The following PCDH9 variants were observed in gnomAD, a reference collection of about 807,000 sequenced individuals.
The protein encoded by PCDH9 is protocadherin-9.
Under a neutral mutation model 70.6 loss-of-function variants are expected in PCDH9, and 24 were observed. The observed-to-expected ratio is 0.34, with a 90% CI of 0.25 to 0.48. PCDH9 has a LOEUF of 0.48. Among genes scored for constraint, PCDH9 ranks in the 20% least tolerant of loss-of-function variants. PCDH9 has a pLI of 0.99. For missense variants in PCDH9, 1,281 were observed against 1,503.6 expected, an observed-to-expected ratio of 0.85 and a Z score of 2.45; for synonymous variants, 562 against 558.5, an observed-to-expected ratio of 1.01 and a Z score of -0.09.
At position 66,845,095 on chromosome 13, in the gene PCDH9, G is replaced by C. The variant is rs1044924975; in HGVS notation, c.3138+58409C>G. ...CCATAAGTTCTCACTCCAGTCTGCAGCCAGGCCCCCAGCCTTCAAGCCGCC... is the reference window on the plus strand; with the variant it reads ...CCATAAGTTCTCACTCCAGTCTGCACCCAGGCCCCCAGCCTTCAAGCCGCC... On this transcript the variant is annotated intron_variant, in intron 3 of 4. Coordinates refer to ENST00000377865, the MANE Select transcript of PCDH9 (RefSeq NM_203487.3). Among the ~76,000 whole-genome samples, 8 of 152,236 alleles carry C rather than the reference G, an allele frequency of 5.3e-5. No homozygotes were observed. In the East Asian group the frequency reaches 1.6e-3, roughly 30 times the overall value.
At chr13:66,829,717 CAAAAAAAA>C (rs562176354) in intron 3 of PCDH9, among the ~76,000 whole-genome samples, 11 of 53,128 alleles carry the variant, frequency 2.1e-4, no homozygotes, top group South Asian at 1.2e-3. Context: ...GACTCCGTCT[CAAAAAAAA>C]AAAAAAAAAA....
chr13:67,058,134 A>G (rs1290845412), intron 2 of PCDH9, among the ~76,000 whole-genome samples: 1 of 152,110 alleles, frequency 6.6e-6, no homozygotes, highest in Non-Finnish European at 1.5e-5. Context: ...AATGTTTGCT[A>G]TGTTATTGGA....
At chr13:66,487,482 A>G (rs1958963564) in intron 4 of PCDH9, among the ~76,000 whole-genome samples, 1 of 152,096 alleles carries the variant, frequency 6.6e-6, no homozygotes, top group African/African-American at 2.4e-5. Context: ...TGTTTCTATA[A>G]ATTTAATATA....
intron 2 of PCDH9, among the ~76,000 whole-genome samples, chr13:66,913,329 C>T (rs2082502415): frequency 6.6e-6 from 1 of 152,004 alleles, no homozygotes. Context: ...ACAAACCCTA[C>T]ACTCTGAATA....
chr13:66,525,187 C>T (rs1960158711), intron 4 of PCDH9, among the ~76,000 whole-genome samples: 2 of 152,108 alleles, frequency 1.3e-5, no homozygotes, highest in East Asian at 1.9e-4. Flanking sequence ...CTTCTCCACT[C>T]TCTTTAACCC....
chr13:66,432,670 ACTATTAG>A (rs1404281845), intron 4 of PCDH9, among the ~76,000 whole-genome samples: 1 of 151,960 alleles, frequency 6.6e-6, no homozygotes, highest in Non-Finnish European at 1.5e-5. Context: ...GGACCCTCTC[ACTATTAG>A]CAATCTCTGG....
At position 66,699,923 on chromosome 13, in the gene PCDH9, A is replaced by AT. The variant is rs34236970; in HGVS notation, c.3139-68513dup. Reference sequence around the variant, plus strand: ...GACAGTGAGGGACTGCGTTAGGCTGATTTTTTTTTTTAAGGAACCATACTA... The same window carrying AT: ...GACAGTGAGGGACTGCGTTAGGCTGATTTTTTTTTTTTAAGGAACCATACTA... On this transcript the variant is annotated intron_variant, in intron 3 of 4. Coordinates refer to ENST00000377865, the MANE Select transcript of PCDH9 (RefSeq NM_203487.3). Among the ~76,000 whole-genome samples, 449 of 149,514 alleles carry AT rather than the reference A, an allele frequency of 3.0e-3. 1 individual carries two copies. The Middle Eastern group carries it at 0.035, about 12-fold the overall frequency.
intron 4 of PCDH9, among the ~76,000 whole-genome samples, chr13:66,596,961 A>T (rs2077111786): frequency 6.6e-6 from 1 of 151,206 alleles, no homozygotes; most frequent in Non-Finnish European, 1.5e-5. Context: ...CTTTCTATGT[A>T]TAGCGTTAGG....
chr13:66,992,190 T>C (rs2084016241), intron 2 of PCDH9, among the ~76,000 whole-genome samples: 1 of 152,070 alleles, frequency 6.6e-6, no homozygotes, highest in Non-Finnish European at 1.5e-5. Flanking sequence ...AAGGCAAAGA[T>C]ATTCCCTAGA....
chr13:66,978,195 G>A (rs2083660312), intron 2 of PCDH9, among the ~76,000 whole-genome samples: 1 of 152,018 alleles, frequency 6.6e-6, no homozygotes, highest in Non-Finnish European at 1.5e-5. Flanking sequence ...TGTTGTTGTT[G>A]CTGTTATTGT....
At chr13:66,648,254 C>T (rs1020211272) in intron 3 of PCDH9, among the ~76,000 whole-genome samples, 2 of 152,154 alleles carry the variant, frequency 1.3e-5, no homozygotes, top group African/African-American at 4.8e-5. Flanking sequence ...GGGGTGAGAC[C>T]CAGTGCTATG....
At chr13:66,483,685 A>T (rs1361005047) in intron 4 of PCDH9, among the ~76,000 whole-genome samples, 4 of 152,184 alleles carry the variant, frequency 2.6e-5, no homozygotes, top group Non-Finnish European at 5.9e-5. Flanking sequence ...GGTCCCTTTA[A>T]GTGATACTGA....
At chr13:66,405,632 A>G (rs1384520053) in intron 4 of PCDH9, among the ~76,000 whole-genome samples, 1 of 152,184 alleles carries the variant, frequency 6.6e-6, no homozygotes, top group African/African-American at 2.4e-5. Context: ...AGGGTGACTG[A>G]GCATGAACCA....
At chr13:66,608,050 G>A (rs184405494) in intron 4 of PCDH9, among the ~76,000 whole-genome samples, 1 of 152,048 alleles carries the variant, frequency 6.6e-6, no homozygotes. Context: ...ATCAATGAAT[G>A]AATAAAAAAG....
chr13:66,703,286 C>T (rs544113208), intron 3 of PCDH9, among the ~76,000 whole-genome samples: 4 of 152,326 alleles, frequency 2.6e-5, no homozygotes, highest in Admixed American at 6.5e-5. Context: ...CAAGAATTGT[C>T]CTTCCCTCTC....
chr13:66,450,498 T>A (rs772130870), intron 4 of PCDH9, among the ~76,000 whole-genome samples: 3 of 152,034 alleles, frequency 2.0e-5, no homozygotes, highest in Non-Finnish European at 4.4e-5. Flanking sequence ...GCATTTAGAG[T>A]GACATAGAAG....
At chr13:67,059,913 C>T (rs973198866) in intron 2 of PCDH9, among the ~76,000 whole-genome samples, 1 of 148,852 alleles carries the variant, frequency 6.7e-6, no homozygotes, top group South Asian at 2.1e-4. Flanking sequence ...TGACAGCCCA[C>T]CACTTCACTA....
At chr13:66,657,510 G>T (rs1432111783) in intron 3 of PCDH9, among the ~76,000 whole-genome samples, 1 of 152,144 alleles carries the variant, frequency 6.6e-6, no homozygotes, top group Non-Finnish European at 1.5e-5. Flanking sequence ...GTTTTTGCCA[G>T]ATTAACATCT....
intron 2 of PCDH9, among the ~76,000 whole-genome samples, chr13:67,008,385 T>C (rs542692199): frequency 6.6e-6 from 1 of 152,258 alleles, no homozygotes; most frequent in African/African-American, 2.4e-5. Flanking sequence ...AAACTGTTGG[T>C]TTATATTTTG....
Sources: allele counts gnomAD v4.1 joint callset (sites outside exome capture counted in the v4.1 genomes callset), GRCh38; gene constraint gnomAD v4.1.1; transcripts MANE v1.5; gene names NCBI Gene and HGNC (gene_info 2026-07-23, HGNC 2026-07-21).